MPRIP: variants seen among roughly 807,000 people sequenced by gnomAD.
MPRIP encodes myosin phosphatase Rho-interacting protein.
MPRIP carries 59 observed loss-of-function variants against 234.9 expected under a neutral mutation model. That is an observed-to-expected ratio of 0.25 (90% confidence interval 0.20 to 0.31). The LOEUF is 0.31. MPRIP is among the 10% of genes least tolerant of loss of function. The pLI is 1.00. For synonymous variants in MPRIP, 1,144 were observed against 1,263.9 expected, an observed-to-expected ratio of 0.91 and a Z score of 2.01; for missense variants, 2,436 against 3,071.0, an observed-to-expected ratio of 0.79 and a Z score of 4.89.
In MPRIP at chr17:17,061,921, G is replaced by A. The variant is rs1248874754; in HGVS notation, c.124-13789G>A. ...TTGGGTGTATGTTCCTGACCTTGAG[G>A]CATTCTTGATTGTGCAGTTACCTAG... is the stretch of plus-strand genomic sequence containing the variant. On this transcript the variant is annotated intron_variant, in intron 1 of 23. Coordinates refer to ENST00000651222, the MANE Select transcript of MPRIP (RefSeq NM_001364716.4). Among the ~76,000 whole-genome samples, 3 of 152,028 alleles carry A rather than the reference G, an allele frequency of 2.0e-5. No homozygotes were observed. In the East Asian group the frequency reaches 5.8e-4, roughly 29 times the overall value.
intron 3 of MPRIP, among the ~76,000 whole-genome samples, chr17:17,121,405 C>G (rs1258819104): frequency 6.6e-6 from 1 of 152,244 alleles, no homozygotes; most frequent in African/African-American, 2.4e-5. Flanking sequence ...ATGACTGCAC[C>G]TAGCTTCTTA....
chr17:17,178,125 G>A (rs1387886953), intron 22 of MPRIP, among the ~76,000 whole-genome samples: 4 of 151,930 alleles, frequency 2.6e-5, no homozygotes, highest in Admixed American at 1.3e-4. Flanking sequence ...GTTTCACCAC[G>A]TTGCTCAGAC....
intron 3 of MPRIP, among the ~76,000 whole-genome samples, chr17:17,091,684 G>A (rs1047271839): frequency 9.2e-5 from 14 of 152,186 alleles, no homozygotes; most frequent in Non-Finnish European, 1.3e-4. Flanking sequence ...TAAAGAGGCA[G>A]GGTTGGTGCG....
chr17:17,068,415 G>C (rs1287407333), intron 1 of MPRIP, among the ~76,000 whole-genome samples: 1 of 151,902 alleles, frequency 6.6e-6, no homozygotes, highest in Non-Finnish European at 1.5e-5. Flanking sequence ...CTCCCAAAGT[G>C]CTGGAATTAC....
At chr17:17,122,422 C>T (rs1435803006) in intron 3 of MPRIP, among the ~76,000 whole-genome samples, 2 of 152,298 alleles carry the variant, frequency 1.3e-5, no homozygotes, top group East Asian at 3.9e-4. Context: ...GGCGCAATCT[C>T]GGCTCACTGC....
chr17:17,116,228 G>A (rs1053095492), intron 3 of MPRIP, among the ~76,000 whole-genome samples: 105 of 152,332 alleles, frequency 6.9e-4, no homozygotes, highest in Middle Eastern at 6.8e-3. Context: ...CAGTTGGGCA[G>A]ACCTGTGGAT....
chr17:17,049,523 A>AT lies in MPRIP; in HGVS notation c.123+6560dup, dbSNP rs553450240. ...CTAGAGTCTAGACCAAGGCTTGGCA[A>AT]TTTTTTTTATAAAGGACTCTTCTTT... On this transcript the variant is annotated intron_variant, in intron 1 of 23. Coordinates refer to ENST00000651222, the MANE Select transcript of MPRIP (RefSeq NM_001364716.4). 2.1e-4 allele frequency among the ~76,000 whole-genome samples: 32 copies of AT among 151,974 alleles called. No individual in the cohort carries two copies. The South Asian group carries it at 5.4e-3, about 26-fold the overall frequency.
At chr17:17,048,170 A>G (rs1404111999) in intron 1 of MPRIP, among the ~76,000 whole-genome samples, 2 of 151,940 alleles carry the variant, frequency 1.3e-5, no homozygotes, top group African/African-American at 2.4e-5. Flanking sequence ...TGGCTGGGTC[A>G]TTTTCATTGC....
intron 3 of MPRIP, among the ~76,000 whole-genome samples, chr17:17,093,615 A>G (rs80273210): frequency 6.6e-6 from 1 of 152,222 alleles, no homozygotes; most frequent in South Asian, 2.1e-4. Flanking sequence ...TTTAAAGGCA[A>G]TGAGGGGCTT....
chr17:17,139,895 A>C (rs913737532), intron 7 of MPRIP, among the ~76,000 whole-genome samples: 1 of 152,162 alleles, frequency 6.6e-6, no homozygotes, highest in Non-Finnish European at 1.5e-5. Flanking sequence ...TTAATGTTTC[A>C]TAGTAGCCTG....
At chr17:17,092,123 G>C (rs567354225) in intron 3 of MPRIP, among the ~76,000 whole-genome samples, 1 of 152,172 alleles carries the variant, frequency 6.6e-6, no homozygotes, top group Non-Finnish European at 1.5e-5. Flanking sequence ...CCATCTTGTC[G>C]CTTCTTCCAC....
chr17:17,129,207 A>C (rs2090550078), intron 4 of MPRIP, among the ~76,000 whole-genome samples: 1 of 152,054 alleles, frequency 6.6e-6, no homozygotes, highest in Non-Finnish European at 1.5e-5. Flanking sequence ...TTTGGGTAGG[A>C]GTTGGCAAGG....
chr17:17,164,680 A>G lies in MPRIP; in HGVS notation c.3089A>G (p.Glu1030Gly). 1.6e-6 allele frequency: 2 copies of G among 1,263,462 alleles called. No homozygotes were observed. Among genetic ancestry groups the G allele is most frequent in the South Asian group, 2.7e-5 (2 of 74,658 alleles). The allele number at this position is 1,263,462 out of a possible 1,614,324, so 78.3% of individuals were successfully genotyped here. The change falls in exon 16 of 24, where the codon GAG becomes GGG. Residue 1030 changes from glutamate (E) to glycine (G), a missense_variant. This residue lies in a region of MPRIP where 1,998 missense variants were observed against 2,520.3 expected (regional missense o/e 0.79). Transcript: ENST00000651222. ...RNYELLLESC[E>G]KEKQALLQNL... ...TATGAGCTGCTGCTGGAGAGCTGTG[A>G]GAAGGAGAAGCAGGCATTGCTGCAG...
intron 19 of MPRIP, 108 bp from the exon 20 acceptor site, chr17:17,175,185 A>T (rs943718652): frequency 1.1e-5 from 16 of 1,511,732 alleles, no homozygotes; most frequent in Non-Finnish European, 1.5e-5. Flanking sequence ...CTGCCTACGC[A>T]GTTCCACAGA....
intron 13 of MPRIP, among the ~76,000 whole-genome samples, chr17:17,157,863 G>A (rs989637013): frequency 9.2e-5 from 14 of 151,526 alleles, no homozygotes; most frequent in African/African-American, 3.2e-4. Context: ...ATCTGATCAC[G>A]TTACCTGCTT....
chr17:17,082,647 C>A (rs976703929), intron 3 of MPRIP, among the ~76,000 whole-genome samples: 4 of 152,162 alleles, frequency 2.6e-5, no homozygotes, highest in African/African-American at 7.2e-5. Context: ...CCATCTTAAT[C>A]GTTTTTAAGT....
rs368756735 is a variant in MPRIP, at chr17:17,078,096, A to G, written c.267+20A>G. ...GAGATGGTAAGTGTTATCCTTGCCC[A>G]CTCCCTGTCCCCAGCCTTCACCAAG... is the stretch of plus-strand genomic sequence containing the variant. On this transcript the variant is annotated intron_variant, in intron 3 of 23. Coordinates refer to ENST00000651222, the MANE Select transcript of MPRIP (RefSeq NM_001364716.4). The surrounding 1 kb of genome is among the most constrained non-coding windows in gnomAD (Gnocchi z 4.3). 2 of 1,612,790 alleles carry G rather than the reference A, an allele frequency of 1.2e-6. No homozygotes were observed. Among genetic ancestry groups the G allele is most frequent in the Non-Finnish European group, 1.7e-6 (2 of 1,179,314 alleles).
In MPRIP at chr17:17,142,691, A is replaced by G. The variant is rs1291305053; in HGVS notation, c.1315A>G (p.Asn439Asp). The G allele has an allele frequency of 6.2e-7, 1 of 1,612,170 alleles. No individual in the cohort carries two copies. The highest frequency in any genetic ancestry group is 8.5e-7 in the Non-Finnish European group (1 of 1,180,014). The change falls in exon 8 of 24, where the codon AAT becomes GAT. Residue 439 changes from asparagine to aspartate, a missense_variant. Coordinates refer to ENST00000651222, the MANE Select transcript of MPRIP (RefSeq NM_001364716.4). Reference protein sequence around the residue: ...DIEKAEHMETNAVGPSPSSDT... With the variant: ...DIEKAEHMETDAVGPSPSSDT... ...TGAGAAGGCAGAGCACATGGAGACC[A>G]ATGCAGTGGGGCCCTCACCATCCAG...
At chr17:17,093,716 TTTCTTCTTAC>T (rs1276955664) in intron 3 of MPRIP, among the ~76,000 whole-genome samples, 7 of 152,264 alleles carry the variant, frequency 4.6e-5, no homozygotes, top group African/African-American at 1.7e-4. Flanking sequence ...TTCTGCTCCA[TTTCTTCTTAC>T]TCCTGAGTCC....
Sources: gnomAD v4.1 joint callset for allele counts (sites outside exome capture counted in the v4.1 genomes callset) on GRCh38, gnomAD v4.1.1 for gene constraint, gnomAD v4.1.1 regional missense constraint, Gnocchi (gnomAD v3.1) non-coding constraint, MANE v1.5 for transcripts, NCBI Gene and HGNC (gene_info 2026-07-23, HGNC 2026-07-21) for gene names.